The following UBASH3B variants were observed in gnomAD, a reference collection of about 807,000 sequenced individuals.
UBASH3B encodes ubiquitin-associated and SH3 domain-containing protein B.
UBASH3B carries 37 observed loss-of-function variants against 83.4 expected under a neutral mutation model. That is an observed-to-expected ratio of 0.44 (90% CI 0.34 to 0.58). The LOEUF (loss-of-function observed/expected upper bound fraction) is 0.58, where lower values mean the gene tolerates loss of function less well. UBASH3B is among the 20% of genes least tolerant of loss of function. UBASH3B has a pLI of 0.01. For missense variants in UBASH3B, 657 were observed against 827.2 expected, an observed-to-expected ratio of 0.79 and a Z score of 2.52; for synonymous variants, 304 against 318.3, an observed-to-expected ratio of 0.96 and a Z score of 0.48.
Position 122,777,921 on chromosome 11 carries a change from G to A in UBASH3B, c.402+711G>A, listed in dbSNP as rs370959771. Among the ~76,000 whole-genome samples the A allele has an allele frequency of 1.8e-4, 27 of 151,804 alleles. No individual in the cohort carries two copies. The East Asian group carries it at 3.1e-3, about 17-fold the overall frequency. On this transcript the variant is annotated intron_variant, in intron 3 of 13. Transcript: ENST00000284273. Reference sequence around the variant, plus strand: ...ATTTTTGTATTTTTAGTAGAGACGGGGTTTCACCATGTTGGCCAGGCTGGT... The same window carrying A: ...ATTTTTGTATTTTTAGTAGAGACGGAGTTTCACCATGTTGGCCAGGCTGGT...
At chr11:122,723,257 T>A (rs1054021347) in intron 1 of UBASH3B, among the ~76,000 whole-genome samples, 43 of 152,208 alleles carry the variant, frequency 2.8e-4, no homozygotes, top group African/African-American at 9.9e-4. Flanking sequence ...CTTTTGTATA[T>A]AATATTTCAT....
chr11:122,772,243 A>G (rs1269462437), intron 1 of UBASH3B, among the ~76,000 whole-genome samples: 1 of 152,148 alleles, frequency 6.6e-6, no homozygotes, highest in Non-Finnish European at 1.5e-5. Flanking sequence ...GACACCCTGC[A>G]CGTCTCCGTC....
intron 1 of UBASH3B, among the ~76,000 whole-genome samples, chr11:122,678,137 C>T (rs11218746): frequency 0.16 from 23,795 of 152,218 alleles, 2,008 homozygotes; most frequent in African/African-American, 0.21. Context: ...CTAATTACCT[C>T]CCAAAGGCCC....
intron 1 of UBASH3B, chr11:122,727,494 T>C (rs373030386): frequency 1.3e-5 from 2 of 152,134 alleles, no homozygotes; most frequent in East Asian, 3.9e-4. Flanking sequence ...AAAATTACAC[T>C]TTAATGACAT....
chr11:122,781,709 T>C (rs557549012), intron 4 of UBASH3B, among the ~76,000 whole-genome samples: 1 of 152,254 alleles, frequency 6.6e-6, no homozygotes, highest in East Asian at 1.9e-4. Context: ...CTTGGTATTC[T>C]CCAGTTGTTG....
intron 1 of UBASH3B, 43 bp downstream of exon 1, chr11:122,656,253 G>T: frequency 1.5e-6 from 2 of 1,358,034 alleles, no homozygotes; most frequent in Non-Finnish European, 1.9e-6. Flanking sequence ...CCTCCCGCGC[G>T]CGCGGCCGGC....
In UBASH3B at chr11:122,810,139, G is replaced by A. The variant is rs1236465776; in HGVS notation, c.*253G>A. On this transcript the variant is annotated 3_prime_UTR_variant, in exon 14 of 14. Coordinates refer to ENST00000284273, the MANE Select transcript of UBASH3B (RefSeq NM_032873.5). ...TGGAGAATTGTCTTCCTAAATCGGG[G>A]CACCTGCTACAGAAGAGAATGTTTC... 3 of 417,118 alleles carry A rather than the reference G, an allele frequency of 7.2e-6. No individual in the cohort carries two copies. The highest frequency in any genetic ancestry group is 1.3e-5 in the Non-Finnish European group (3 of 232,710). 25.8% of individuals were successfully genotyped at this position (417,118 alleles called of 1,614,324 possible).
chr11:122,661,868 A>C (rs1206592257), intron 1 of UBASH3B, among the ~76,000 whole-genome samples: 1 of 151,028 alleles, frequency 6.6e-6, no homozygotes, highest in East Asian at 1.9e-4. Flanking sequence ...CCAAAAAAAA[A>C]AAAAACAAAA....
At chr11:122,809,239 T>C (rs868744892) in intron 13 of UBASH3B, among the ~76,000 whole-genome samples, 18 of 152,186 alleles carry the variant, frequency 1.2e-4, no homozygotes, top group South Asian at 1.0e-3. Flanking sequence ...CACGCCCAGC[T>C]AATTTTTTGT....
intron 1 of UBASH3B, among the ~76,000 whole-genome samples, chr11:122,763,405 C>T (rs943951517): frequency 2.6e-5 from 4 of 152,164 alleles, no homozygotes; most frequent in Non-Finnish European, 4.4e-5. Flanking sequence ...GCTAACCACC[C>T]CCTAAGGAGG....
intron 1 of UBASH3B, among the ~76,000 whole-genome samples, chr11:122,757,283 G>A (rs1287161001): frequency 1.3e-5 from 2 of 152,184 alleles, no homozygotes; most frequent in Non-Finnish European, 2.9e-5. Context: ...TAGTCCCCTT[G>A]TGAAAGAAAC....
At position 122,813,335 on chromosome 11, in the gene UBASH3B, T is replaced by G. The variant is rs1861482302; in HGVS notation, c.*3449T>G. 6.6e-6 allele frequency: 1 copy of G among 152,208 alleles called. No homozygotes were observed. Among genetic ancestry groups the G allele is most frequent in the South Asian group, 2.1e-4 (1 of 4,834 alleles). 9.4% of individuals were successfully genotyped at this position (152,208 alleles called of 1,614,324 possible). On this transcript the variant is annotated 3_prime_UTR_variant, in exon 14 of 14. Transcript: ENST00000284273. The stretch of plus-strand genomic sequence containing the variant: ...AATTGAACAGCTACAGTAAAAGAAG[T>G]TCCTATCTCATTGCCTTTGTGGAAA...
At chr11:122,780,598 C>T (rs565107471) in intron 4 of UBASH3B, among the ~76,000 whole-genome samples, 7 of 152,334 alleles carry the variant, frequency 4.6e-5, no homozygotes, top group South Asian at 4.1e-4. Flanking sequence ...TGGTTTCTCC[C>T]GGCCAGGCCC....
At position 122,778,666 on chromosome 11, in the gene UBASH3B, G is replaced by T. The variant is rs191430544; in HGVS notation, c.403-831G>T. On this transcript the variant is annotated intron_variant, in intron 3 of 13. Transcript: ENST00000284273. ...GTCACTCAGGCTGGAGTGCAGTGGC[G>T]TGATCTTGGCTCACTGCAACCTCTG... Among the ~76,000 whole-genome samples, 3 of 149,754 alleles carry T rather than the reference G, an allele frequency of 2.0e-5. No individual in the cohort carries two copies. The Admixed American group carries it at 2.0e-4, about 10-fold the overall frequency.
chr11:122,721,661 G>A (rs913999823), intron 1 of UBASH3B, among the ~76,000 whole-genome samples: 7 of 152,192 alleles, frequency 4.6e-5, no homozygotes, highest in Admixed American at 1.3e-4. Flanking sequence ...CCAGTGGTGC[G>A]TGGGTGGGAG....
At chr11:122,766,007 A>G (rs1293711718) in intron 1 of UBASH3B, among the ~76,000 whole-genome samples, 2 of 152,148 alleles carry the variant, frequency 1.3e-5, no homozygotes, top group Non-Finnish European at 2.9e-5. Flanking sequence ...GGTGCACTGC[A>G]GAAAAGTGAT....
intron 9 of UBASH3B, among the ~76,000 whole-genome samples, chr11:122,797,465 G>A (rs747868524): frequency 1.2e-4 from 18 of 152,190 alleles, no homozygotes; most frequent in Non-Finnish European, 1.5e-4. Flanking sequence ...TTACTGGCAC[G>A]GGGAGATAGT....
intron 1 of UBASH3B, among the ~76,000 whole-genome samples, chr11:122,662,516 C>T (rs1258989081): frequency 6.6e-6 from 1 of 151,550 alleles, no homozygotes; most frequent in Non-Finnish European, 1.5e-5. Flanking sequence ...CATGCAACCT[C>T]CGCCTCCCAG....
At chr11:122,789,391 A>G in intron 6 of UBASH3B, 83 bp downstream of exon 6, 1 of 1,437,718 alleles carries the variant, frequency 7.0e-7, no homozygotes, top group Non-Finnish European at 9.7e-7. Context: ...GCAGCAGTAA[A>G]TGGAGTCCAT....
Sources: gnomAD v4.1 joint callset for allele counts (sites outside exome capture counted in the v4.1 genomes callset) on GRCh38, gnomAD v4.1.1 for gene constraint, MANE v1.5 for transcripts, NCBI Gene and HGNC (gene_info 2026-07-23, HGNC 2026-07-21) for gene names.